ZDBF2: variants seen among roughly 807,000 people sequenced by gnomAD.
ZDBF2 encodes DBF4-type zinc finger-containing protein 2.
Under a neutral mutation model 9.4 loss-of-function variants are expected in ZDBF2, and 6 were observed. The ratio of observed to expected loss-of-function variants is 0.64; its 90% CI spans 0.35 to 1.27. The LOEUF (loss-of-function observed/expected upper bound fraction) is 1.27, where lower values mean the gene tolerates loss of function less well. Among genes scored for constraint, ZDBF2 ranks in the 50% most tolerant of loss-of-function variants. The pLI, the probability that ZDBF2 is intolerant of heterozygous loss-of-function variation, is 0.03. For missense variants in ZDBF2, 2,697 were observed against 2,766.8 expected, an observed-to-expected ratio of 0.97 and a Z score of 0.57; for synonymous variants, 905 against 946.3, an observed-to-expected ratio of 0.96 and a Z score of 0.80.
intron 4 of ZDBF2, among the ~76,000 whole-genome samples, chr2:206,300,863 TTTTAA>T (rs1392787410): frequency 3.3e-5 from 5 of 152,180 alleles, no homozygotes; most frequent in Non-Finnish European, 7.4e-5. Context: ...ATTCTATGGG[TTTTAA>T]TTTGTTACTA....
chr2:206,281,689 A>G (rs922016790), intron 2 of ZDBF2, 112 bp from the exon 3 acceptor site: 2 of 631,084 alleles, frequency 3.2e-6, no homozygotes, highest in East Asian at 3.0e-5. Context: ...GCAGCCTTGT[A>G]TATTTTCCTA....
chr2:206,295,150 G>A (rs1011197357), intron 3 of ZDBF2, among the ~76,000 whole-genome samples: 4 of 152,000 alleles, frequency 2.6e-5, no homozygotes, highest in South Asian at 2.1e-4. Flanking sequence ...CACCTTTACC[G>A]TGATATTTTA....
intron 1 of ZDBF2, among the ~76,000 whole-genome samples, chr2:206,275,684 T>C (rs1048335951): frequency 3.3e-5 from 5 of 152,088 alleles, no homozygotes; most frequent in African/African-American, 1.2e-4. Flanking sequence ...TTTGTTTTTC[T>C]TTTTTACAGC....
intron 3 of ZDBF2, among the ~76,000 whole-genome samples, chr2:206,283,020 A>C (rs1347524823): frequency 6.6e-6 from 1 of 152,256 alleles, no homozygotes; most frequent in Non-Finnish European, 1.5e-5. Context: ...TTCACGGTTC[A>C]TCCAGGCTGT....
At position 206,297,382 on chromosome 2, in the gene ZDBF2, G is replaced by C. The variant is rs746257454; in HGVS notation, c.188+9G>C. On this transcript the variant is annotated intron_variant, in intron 4 of 4. Coordinates refer to ENST00000374423, the MANE Select transcript of ZDBF2 (RefSeq NM_020923.3). ...CATTGTCAAGAGAGCAGGTAAAGTA[G>C]TTGATTGGAATAATATTTATACGTA... The C allele has an allele frequency of 1.2e-6, 2 of 1,609,574 alleles. No homozygotes were observed. Among genetic ancestry groups the C allele is most frequent in the Non-Finnish European group, 1.7e-6 (2 of 1,177,984 alleles).
At chr2:206,292,385 A>G (rs1228315959) in intron 3 of ZDBF2, among the ~76,000 whole-genome samples, 1 of 152,208 alleles carries the variant, frequency 6.6e-6, no homozygotes, top group Non-Finnish European at 1.5e-5. Flanking sequence ...GTCCACAAGA[A>G]GACAAGAAAG....
At chr2:206,288,107 T>C (rs1373253956) in intron 3 of ZDBF2, among the ~76,000 whole-genome samples, 1 of 152,232 alleles carries the variant, frequency 6.6e-6, no homozygotes, top group Non-Finnish European at 1.5e-5. Context: ...TTGGTGATGT[T>C]ATATTTCTTT....
intron 4 of ZDBF2, among the ~76,000 whole-genome samples, chr2:206,299,749 C>T (rs189471283): frequency 3.9e-5 from 6 of 152,072 alleles, no homozygotes; most frequent in East Asian, 1.9e-4. Context: ...ACCTCCCCCC[C>T]GCCCGTGAAT....
At chr2:206,299,833 C>T (rs965796578) in intron 4 of ZDBF2, among the ~76,000 whole-genome samples, 1 of 149,506 alleles carries the variant, frequency 6.7e-6, no homozygotes, top group African/African-American at 2.5e-5. Flanking sequence ...CCAAGCTGGA[C>T]GCAGTGGCTC....
At chr2:206,296,859 T>C (rs1319570366) in intron 3 of ZDBF2, among the ~76,000 whole-genome samples, 1 of 152,252 alleles carries the variant, frequency 6.6e-6, no homozygotes, top group Non-Finnish European at 1.5e-5. Context: ...TTTCTTAATA[T>C]GTAACGTTTC....
chr2:206,308,246 G>T lies in ZDBF2; in HGVS notation c.3718G>T (p.Gly1240Cys), dbSNP rs997213386. 3.1e-6 allele frequency: 5 copies of T among 1,613,860 alleles called. No individual in the cohort carries two copies. Among genetic ancestry groups the T allele is most frequent in the Non-Finnish European group, 4.2e-6 (5 of 1,179,816 alleles). The change falls in exon 5 of 5, where the codon GGT (glycine) becomes TGT (cysteine). Residue 1240 changes from glycine (G) to cysteine (C), a missense_variant. Gly to Cys is a radical substitution (Grantham distance 159). Around this residue, in one of 3 missense-constraint regions of ZDBF2, gnomAD observed 1,783 missense variants for 1,776.5 expected, o/e 1.00. Transcript: ENST00000374423. ...GGAAGATAGGAGAAATGAAGCTAAG[G>T]GTTTTGAAATTATGTATGATTCTGA... is the stretch of plus-strand genomic sequence containing the variant. Reference protein sequence around the residue: ...DTEDRRNEAKGFEIMYDSDVL... With the variant: ...DTEDRRNEAKCFEIMYDSDVL...
In ZDBF2 at chr2:206,311,251, G is replaced by T; in HGVS notation, c.6723G>T (p.Arg2241Ser). The T allele has an allele frequency of 6.2e-7, 1 of 1,611,678 alleles. No individual in the cohort carries two copies. Among genetic ancestry groups the T allele is most frequent in the Non-Finnish European group, 8.5e-7 (1 of 1,178,604 alleles). ...SVFLRHRYQS[R>S]SAFLGRYLKK... Reference sequence around the variant, plus strand: ...TTTTACGTCATAGATATCAGTCCAGGAGCGCTTTTCTTGGAAGGTATCTGA... The same window carrying T: ...TTTTACGTCATAGATATCAGTCCAGTAGCGCTTTTCTTGGAAGGTATCTGA... Residue 2241 changes from arginine (R) to serine (S), a missense_variant, in exon 5 of 5, where the codon AGG becomes AGT. Physicochemically the swap from Arg to Ser is moderately radical, Grantham distance 110. This residue lies in a region of ZDBF2 where 1,783 missense variants were observed against 1,776.5 expected (regional missense o/e 1.00). Coordinates refer to ENST00000374423, the MANE Select transcript of ZDBF2 (RefSeq NM_020923.3).
Position 206,309,358 on chromosome 2 carries a change from T to C in ZDBF2, c.4830T>C (p.Tyr1610=). 1.9e-6 allele frequency: 3 copies of C among 1,613,410 alleles called. No individual in the cohort carries two copies. The highest frequency in any genetic ancestry group is 2.5e-6 in the Non-Finnish European group (3 of 1,179,686). Residue 1610 remains tyrosine (Y), a synonymous_variant, in exon 5 of 5, where the codon TAT becomes TAC. Coordinates refer to ENST00000374423, the MANE Select transcript of ZDBF2 (RefSeq NM_020923.3). ...TFKIINRKKD[Y]IILGEPSCQS... is the part of the protein sequence containing the mutation. ...AAATAATAAACCGGAAGAAGGACTA[T>C]ATTATTCTGGGAGAGCCAAGTTGTC...
rs1693126664 is a variant in ZDBF2 at position 206,310,769 on chromosome 2, A to G, written c.6241A>G (p.Ile2081Val). 6.2e-7 allele frequency: 1 copy of G among 1,613,868 alleles called. No individual in the cohort carries two copies. Among genetic ancestry groups the G allele is most frequent in the African/African-American group, 1.3e-5 (1 of 74,918 alleles). The change falls in exon 5 of 5, where the codon ATT (isoleucine) becomes GTT (valine). Residue 2081 changes from isoleucine (I) to valine (V), a missense_variant. By Grantham distance (29) the Ile-to-Val change is conservative. Coordinates refer to ENST00000374423, the MANE Select transcript of ZDBF2 (RefSeq NM_020923.3). ...PEFERRNWVK[I>V]HFNRSNQNSS... is the part of the protein sequence containing the mutation. ...GTTTGAGAGGCGTAACTGGGTTAAA[A>G]TTCATTTTAATAGGAGCAACCAAAA...
intron 4 of ZDBF2, among the ~76,000 whole-genome samples, chr2:206,297,922 C>T (rs1240170184): frequency 6.6e-6 from 1 of 152,166 alleles, no homozygotes; most frequent in East Asian, 1.9e-4. Context: ...CTCAGGTGAT[C>T]CACCCGCCTT....
At position 206,312,621 on chromosome 2, in the gene ZDBF2, G is replaced by A. The variant is rs1261843884; in HGVS notation, c.*1028G>A. ...GTAGAGTTGGGGGTTTCACTATGTT[G>A]GCCAGGCTGGTCTCAAACTCCTGAC... On this transcript the variant is annotated 3_prime_UTR_variant, in exon 5 of 5. Coordinates refer to ENST00000374423, the MANE Select transcript of ZDBF2 (RefSeq NM_020923.3). The A allele has an allele frequency of 3.9e-5, 6 of 151,910 alleles. No homozygotes were observed. The highest frequency in any genetic ancestry group is 6.6e-5 in the Admixed American group (1 of 15,256). The allele number at this position is 151,910 out of a possible 1,614,324, so 9.4% of individuals were successfully genotyped here. A position where few individuals can be genotyped will look rare whatever the true frequency, so the allele number is the denominator to read the frequency against.
intron 4 of ZDBF2, among the ~76,000 whole-genome samples, chr2:206,299,360 C>T (rs1039607987): frequency 6.6e-6 from 1 of 151,870 alleles, no homozygotes; most frequent in African/African-American, 2.4e-5. Flanking sequence ...CTGGCTTTCT[C>T]AAATATTAAA....
In ZDBF2 at chr2:206,310,831, C is replaced by T. The variant is rs201368909; in HGVS notation, c.6303C>T (p.Gly2101=). Residue 2101 remains glycine, a synonymous_variant, in exon 5 of 5, where the codon GGC becomes GGT. Transcript: ENST00000374423. ...SAGDNDADGQ[G]SASAPLMAVP... Reference sequence around the variant, plus strand: ...GAGATAATGATGCTGATGGACAAGGCTCTGCTTCAGCGCCTTTAATGGCAG... The same window carrying T: ...GAGATAATGATGCTGATGGACAAGGTTCTGCTTCAGCGCCTTTAATGGCAG... 1 of 1,613,906 alleles carries T rather than the reference C, an allele frequency of 6.2e-7. No individual in the cohort carries two copies. Among genetic ancestry groups the T allele is most frequent in the African/African-American group, 1.3e-5 (1 of 75,036 alleles).
At chr2:206,297,949 G>C (rs568674687) in intron 4 of ZDBF2, among the ~76,000 whole-genome samples, 20 of 152,306 alleles carry the variant, frequency 1.3e-4, no homozygotes, top group African/African-American at 4.6e-4. Flanking sequence ...CCAAAGTGCT[G>C]AGATTACAGG....
Sources: allele counts gnomAD v4.1 joint callset (sites outside exome capture counted in the v4.1 genomes callset), GRCh38; gene constraint gnomAD v4.1.1; regional missense constraint gnomAD v4.1.1; transcripts MANE v1.5; gene names NCBI Gene and HGNC (gene_info 2026-07-23, HGNC 2026-07-21).